The following SLCO3A1 variants were observed in gnomAD, a reference collection of about 807,000 sequenced individuals.
The protein encoded by SLCO3A1 is solute carrier organic anion transporter family member 3A1, also known as PGE1 transporter.
SLCO3A1 carries 27 observed loss-of-function variants against 63.1 expected under a neutral mutation model. That is an observed-to-expected ratio of 0.43 (90% confidence interval 0.32 to 0.59). The LOEUF is 0.59. SLCO3A1 is among the 20% of genes least tolerant of loss of function. SLCO3A1 has a pLI of 0.09. For synonymous variants in SLCO3A1, 473 were observed against 409.9 expected (o/e 1.15, Z -1.86); for missense variants, 773 against 945.8 (o/e 0.82, Z 2.40).
intron 1 of SLCO3A1, among the ~76,000 whole-genome samples, chr15:91,902,683 A>G (rs1898190601): frequency 6.6e-6 from 1 of 152,086 alleles, no homozygotes; most frequent in East Asian, 1.9e-4. Context: ...TGTTTTTGAC[A>G]GTTTTATCAT....
chr15:92,087,563 G>T (rs1309706625), intron 2 of SLCO3A1, among the ~76,000 whole-genome samples: 1 of 144,944 alleles, frequency 6.9e-6, no homozygotes, highest in Non-Finnish European at 1.5e-5. Flanking sequence ...TTGTTGCTCA[G>T]GCTGGAGTGC....
rs2141830664 is a variant in SLCO3A1 at position 91,856,967 on chromosome 15, A to G, written c.180+2879A>G. 3.9e-5 allele frequency among the ~76,000 whole-genome samples: 6 copies of G among 152,020 alleles called. 1 individual carries two copies. In the South Asian group the frequency reaches 1.2e-3, roughly 32 times the overall value. On this transcript the variant is annotated intron_variant, in intron 1 of 9. Coordinates refer to ENST00000318445, the MANE Select transcript of SLCO3A1 (RefSeq NM_013272.4). The surrounding 1 kb of genome is among the most constrained non-coding windows in gnomAD (Gnocchi z 4.9). ...TGAATGACACTAGTGTAGGCTTCCC[A>G]ACTGCAGAACTGAAGCAGAAGGTTG...
intron 5 of SLCO3A1, among the ~76,000 whole-genome samples, chr15:92,122,053 G>A (rs12148223): frequency 0.029 from 4,344 of 152,314 alleles, 82 homozygotes; most frequent in Middle Eastern, 0.078. Flanking sequence ...ATGTGTTGGA[G>A]TCGAGGGAGG....
At chr15:92,055,567 C>T (rs1206051828) in intron 2 of SLCO3A1, among the ~76,000 whole-genome samples, 1 of 152,138 alleles carries the variant, frequency 6.6e-6, no homozygotes, top group Non-Finnish European at 1.5e-5. Context: ...TATTCCACGT[C>T]GTGGTTGCAT....
chr15:91,937,402 G>A (rs1899452114), intron 2 of SLCO3A1, among the ~76,000 whole-genome samples: 1 of 152,160 alleles, frequency 6.6e-6, no homozygotes, highest in African/African-American at 2.4e-5. Context: ...CCAGGTGCAA[G>A]GGGATTTCTG....
rs564335675 is a variant in SLCO3A1 at position 92,092,838 on chromosome 15, A to G, written c.647-2043A>G. Among the ~76,000 whole-genome samples, 6 of 152,268 alleles carry G rather than the reference A, an allele frequency of 3.9e-5. No homozygotes were observed. The South Asian group carries it at 8.3e-4, about 21-fold the overall frequency. On this transcript the variant is annotated intron_variant, in intron 2 of 9. Coordinates refer to ENST00000318445, the MANE Select transcript of SLCO3A1 (RefSeq NM_013272.4). ...ACAAACCAGAGATAATGTGCTGATCATGTGAACGTCACTCCTCTCCAAAGT... is the reference window on the plus strand; with the variant it reads ...ACAAACCAGAGATAATGTGCTGATCGTGTGAACGTCACTCCTCTCCAAAGT...
chr15:91,945,574 G>A (rs1209499313), intron 2 of SLCO3A1, among the ~76,000 whole-genome samples: 2 of 152,222 alleles, frequency 1.3e-5, no homozygotes, highest in East Asian at 1.9e-4. Context: ...TGGCGGAAAG[G>A]GAGAGAAAGT....
Position 91,942,581 on chromosome 15 carries a change from G to T in SLCO3A1, c.646+26123G>T, listed in dbSNP as rs925940982. Among the ~76,000 whole-genome samples the T allele has an allele frequency of 6.6e-6, 1 of 151,876 alleles. No homozygotes were observed. Among genetic ancestry groups the T allele is most frequent in the Non-Finnish European group, 1.5e-5 (1 of 68,014 alleles). ...AGAACTCTGCTGGAAATGTATGTTT[G>T]TTTGTTTGTTTGTTTGTTTCGAGAC... On this transcript the variant is annotated intron_variant, in intron 2 of 9. Transcript: ENST00000318445. This position sits in a 1 kb window ranked among gnomAD's most constrained non-coding sequence, Gnocchi z 4.1.
chr15:91,894,271 C>T lies in SLCO3A1; in HGVS notation c.181-21722C>T, dbSNP rs1222774853. Among the ~76,000 whole-genome samples, 2 of 152,008 alleles carry T rather than the reference C, an allele frequency of 1.3e-5. No homozygotes were observed. The highest frequency in any genetic ancestry group is 1.5e-5 in the Non-Finnish European group (1 of 67,992). On this transcript the variant is annotated intron_variant, in intron 1 of 9. Transcript: ENST00000318445. The surrounding 1 kb of genome is among the most constrained non-coding windows in gnomAD (Gnocchi z 4.8). ...GGGGGTTTTATAGCATCTTGCAGGCCAGGAGGGTCCGGAGTTAGGATTTTA... is the reference window on the plus strand; with the variant it reads ...GGGGGTTTTATAGCATCTTGCAGGCTAGGAGGGTCCGGAGTTAGGATTTTA...
At position 91,958,968 on chromosome 15, in the gene SLCO3A1, A is replaced by C. The variant is rs891890036; in HGVS notation, c.646+42510A>C. On this transcript the variant is annotated intron_variant, in intron 2 of 9. Coordinates refer to ENST00000318445, the MANE Select transcript of SLCO3A1 (RefSeq NM_013272.4). ...CATTATATGAAAAAGACACATGCAC[A>C]CACATGTTTATAGCAGCACAGCTTA... Among the ~76,000 whole-genome samples, 6 of 152,318 alleles carry C rather than the reference A, an allele frequency of 3.9e-5. No homozygotes were observed. The East Asian group carries it at 1.2e-3, about 29-fold the overall frequency.
At position 92,112,596 on chromosome 15, in the gene SLCO3A1, G is replaced by T. The variant is rs552688985; in HGVS notation, c.1010-7869G>T. On this transcript the variant is annotated intron_variant, in intron 4 of 9. Coordinates refer to ENST00000318445, the MANE Select transcript of SLCO3A1 (RefSeq NM_013272.4). ...ATTGCCAATGAATGCCAGAAGCAGT[G>T]GGGGGTTCTTTGAGTGGCCTCCTCT... 6.6e-5 allele frequency among the ~76,000 whole-genome samples: 10 copies of T among 152,246 alleles called. No homozygotes were observed. The South Asian group carries it at 2.1e-3, about 32-fold the overall frequency.
intron 2 of SLCO3A1, among the ~76,000 whole-genome samples, chr15:91,939,496 G>A (rs1169702223): frequency 6.6e-6 from 1 of 152,124 alleles, no homozygotes; most frequent in Non-Finnish European, 1.5e-5. Flanking sequence ...TTGCAGGGCT[G>A]GGCAGACCTT....
chr15:91,910,486 T>C (rs1479310373), intron 1 of SLCO3A1, among the ~76,000 whole-genome samples: 1 of 152,238 alleles, frequency 6.6e-6, no homozygotes, highest in Non-Finnish European at 1.5e-5. Flanking sequence ...TCACAGAGCA[T>C]GCACACCAGT....
At chr15:92,062,125 G>A (rs2047094005) in intron 2 of SLCO3A1, among the ~76,000 whole-genome samples, 1 of 152,232 alleles carries the variant, frequency 6.6e-6, no homozygotes, top group Admixed American at 6.5e-5. Flanking sequence ...AACTGAGGAA[G>A]ACCTGAGTGT....
In SLCO3A1 at chr15:91,968,939, A is replaced by G. The variant is rs1900759675; in HGVS notation, c.646+52481A>G. On this transcript the variant is annotated intron_variant, in intron 2 of 9. Coordinates refer to ENST00000318445, the MANE Select transcript of SLCO3A1 (RefSeq NM_013272.4). The surrounding 1 kb of genome is among the most constrained non-coding windows in gnomAD (Gnocchi z 4.2). ...GTTGCTCCATGTAGAGTCAGCTCAG[A>G]GGTCCCTTCCTCTCAGAAGCCATCT... Among the ~76,000 whole-genome samples the G allele has an allele frequency of 6.6e-6, 1 of 152,156 alleles. No homozygotes were observed. Among genetic ancestry groups the G allele is most frequent in the Admixed American group, 6.5e-5 (1 of 15,280 alleles).
At chr15:92,061,973 G>T (rs1447582766) in intron 2 of SLCO3A1, among the ~76,000 whole-genome samples, 8 of 152,188 alleles carry the variant, frequency 5.3e-5, no homozygotes, top group African/African-American at 1.9e-4. Context: ...CATCCAGATG[G>T]CATTGACAGA....
At chr15:91,910,272 C>A (rs1472301314) in intron 1 of SLCO3A1, among the ~76,000 whole-genome samples, 2 of 152,206 alleles carry the variant, frequency 1.3e-5, no homozygotes, top group Non-Finnish European at 2.9e-5. Flanking sequence ...CCTCCACACA[C>A]AGCCAAATGA....
intron 2 of SLCO3A1, among the ~76,000 whole-genome samples, chr15:92,087,935 C>G (rs2047426187): frequency 6.6e-6 from 1 of 152,192 alleles, no homozygotes; most frequent in Non-Finnish European, 1.5e-5. Flanking sequence ...ATGCACCTAG[C>G]CTGACCCTTC....
intron 1 of SLCO3A1, among the ~76,000 whole-genome samples, chr15:91,907,449 T>G (rs898473783): frequency 2.0e-5 from 3 of 150,624 alleles, no homozygotes; most frequent in African/African-American, 4.9e-5. Flanking sequence ...CAGGTGATTC[T>G]CCCACCTTGG....
Sources: allele counts gnomAD v4.1 joint callset (sites outside exome capture counted in the v4.1 genomes callset), GRCh38; gene constraint gnomAD v4.1.1; non-coding constraint Gnocchi (gnomAD v3.1); transcripts MANE v1.5; gene names NCBI Gene and HGNC (gene_info 2026-07-23, HGNC 2026-07-21).